Variants in RGPD8 observed in about 807,000 individuals in gnomAD.
RGPD8 encodes the protein RANBP2-like and GRIP domain-containing protein 8.
A neutral mutation model predicts 89.1 loss-of-function variants in RGPD8; 15 were observed. The ratio of observed to expected loss-of-function variants is 0.17; its 90% CI spans 0.11 to 0.26. The LOEUF is 0.26. Among genes scored for constraint, RGPD8 ranks in the 10% least tolerant of loss-of-function variants. RGPD8 has a pLI of 1.00. For synonymous variants in RGPD8, 62 were observed against 420.9 expected (o/e 0.15, Z 10.44); for missense variants, 178 against 1,179.6 (o/e 0.15, Z 12.44).
At chr2:112,392,957 G>GT (rs1678760737) in intron 18 of RGPD8, 1 of 674,410 alleles carries the variant, frequency 1.5e-6, no homozygotes, top group African/African-American at 1.9e-5. Flanking sequence ...TTAGCTTTTA[G>GT]TTTTCTTCAC....
intron 20 of RGPD8, among the ~76,000 whole-genome samples, chr2:112,381,995 TG>T (rs1678320656): frequency 6.6e-6 from 1 of 152,298 alleles, no homozygotes; most frequent in South Asian, 2.1e-4. Context: ...GTCAGTGGGC[TG>T]GGGAAGGCAG....
chr2:112,432,519 G>C (rs1680085872), intron 1 of RGPD8: 2 of 985,370 alleles, frequency 2.0e-6, no homozygotes, highest in African/African-American at 3.5e-5. Context: ...TGTCCACGCT[G>C]AGATGCCTAC....
intron 22 of RGPD8, among the ~76,000 whole-genome samples, chr2:112,370,922 C>G (rs1677947887): frequency 6.6e-6 from 1 of 151,398 alleles, no homozygotes; most frequent in Non-Finnish European, 1.5e-5. Flanking sequence ...TTCTGAAATA[C>G]CATCTTCTCA....
intron 1 of RGPD8, among the ~76,000 whole-genome samples, chr2:112,429,415 CAAAAAAAAAAA>C (rs71412832): frequency 6.6e-5 from 3 of 45,756 alleles, no homozygotes; most frequent in African/African-American, 9.9e-5. Flanking sequence ...GACTCCGTCT[CAAAAAAAAAAA>C]AAAAAAAAAA....
chr2:112,408,581 G>A (rs1288349022), intron 7 of RGPD8, among the ~76,000 whole-genome samples: 2 of 149,112 alleles, frequency 1.3e-5, no homozygotes, highest in African/African-American at 2.5e-5. Context: ...TCATAAACCC[G>A]GCCTCTTTTA....
At position 112,423,902 on chromosome 2, in the gene RGPD8, C is replaced by T. The variant is rs1418060471; in HGVS notation, c.140+338G>A. Among the ~76,000 whole-genome samples, 3 of 152,302 alleles carry T rather than the reference C, an allele frequency of 2.0e-5. No homozygotes were observed. The East Asian group carries it at 5.8e-4, about 29-fold the overall frequency. On this transcript the variant is annotated intron_variant, in intron 2 of 22. Transcript: ENST00000302558. ...TTAGTTTTTTATTCATTGCTATTTT[C>T]CATCTGATTAAGGTATCAGATATCT...
intron 7 of RGPD8, among the ~76,000 whole-genome samples, chr2:112,411,118 G>T (rs1411519048): frequency 1.3e-5 from 2 of 152,286 alleles, no homozygotes; most frequent in Non-Finnish European, 2.9e-5. Flanking sequence ...AGAAGGAGGG[G>T]CCTTCTCTAA....
intron 2 of RGPD8, 66 bp from the exon 3 acceptor site, chr2:112,422,725 G>T: frequency 3.4e-6 from 2 of 581,814 alleles, no homozygotes; most frequent in Admixed American, 6.9e-5. Context: ...GCTAACCGAA[G>T]AATACATCTT....
At chr2:112,385,656 TAAATC>T (rs1187324339) in intron 20 of RGPD8, among the ~76,000 whole-genome samples, 25 of 145,916 alleles carry the variant, frequency 1.7e-4, no homozygotes, top group Non-Finnish European at 9.0e-5. Flanking sequence ...CATAATGAGT[TAAATC>T]AAATCTATCA....
chr2:112,425,527 A>C (rs1016815652), intron 1 of RGPD8, among the ~76,000 whole-genome samples: 31 of 152,086 alleles, frequency 2.0e-4, no homozygotes, highest in Non-Finnish European at 4.0e-4. Flanking sequence ...TCGGAGACTG[A>C]GGCGGGTGGA....
chr2:112,413,782 A>G (rs1679276717), intron 6 of RGPD8, among the ~76,000 whole-genome samples: 1 of 100,530 alleles, frequency 9.9e-6, no homozygotes, highest in Non-Finnish European at 2.0e-5. Context: ...GCTTACTGCA[A>G]CCTCTGACTC....
intron 1 of RGPD8, among the ~76,000 whole-genome samples, chr2:112,430,285 C>T (rs1447052808): frequency 6.6e-6 from 1 of 152,180 alleles, no homozygotes; most frequent in Non-Finnish European, 1.5e-5. Context: ...TTCACAGCCA[C>T]TGCCTCTTCT....
At position 112,433,570 on chromosome 2, in the gene RGPD8, G is replaced by A; in HGVS notation, c.-117C>T. On this transcript the variant is annotated 5_prime_UTR_variant, in exon 1 of 23. Coordinates refer to ENST00000302558, the MANE Select transcript of RGPD8 (RefSeq NM_001164463.1). The stretch of plus-strand genomic sequence containing the variant: ...TGAAGCAGCGGCGTAGCCGGCGGAG[G>A]CCCACTGTGACGAGCGTGCGGCGCC... The A allele has an allele frequency of 1.8e-6, 2 of 1,136,508 alleles. No homozygotes were observed. The highest frequency in any genetic ancestry group is 2.5e-6 in the Non-Finnish European group (2 of 814,914). 70.4% of individuals were successfully genotyped at this position (1,136,508 alleles called of 1,614,324 possible).
At chr2:112,402,447 G>A (rs1196220954) in intron 9 of RGPD8, among the ~76,000 whole-genome samples, 22 of 150,192 alleles carry the variant, frequency 1.5e-4, no homozygotes, top group African/African-American at 2.7e-4. Flanking sequence ...CCGAGATTGC[G>A]CCACTGCGCT....
intron 9 of RGPD8, among the ~76,000 whole-genome samples, chr2:112,402,527 A>AGAAAG: frequency 6.6e-6 from 1 of 152,206 alleles, no homozygotes; most frequent in Non-Finnish European, 1.5e-5. Context: ...AGAAAAGAAA[A>AGAAAG]GAAAAGGTTA....
chr2:112,408,844 G>A (rs867225759), intron 7 of RGPD8, among the ~76,000 whole-genome samples: 2 of 151,942 alleles, frequency 1.3e-5, no homozygotes, highest in African/African-American at 2.4e-5. Flanking sequence ...GCTAATTTTT[G>A]TATTTTTAGT....
intron 1 of RGPD8, among the ~76,000 whole-genome samples, chr2:112,431,732 G>C (rs1680047685): frequency 6.6e-6 from 1 of 151,886 alleles, no homozygotes; most frequent in African/African-American, 2.4e-5. Flanking sequence ...CGCCTCCCGG[G>C]TTCAAGCGAC....
At chr2:112,384,594 CG>C in intron 20 of RGPD8, 1 of 119,124 alleles carries the variant, frequency 8.4e-6, no homozygotes, top group Non-Finnish European at 1.8e-5. Flanking sequence ...GAGGCCGAGG[CG>C]GGTGGATCAC....
chr2:112,430,778 T>A (rs1041690429), intron 1 of RGPD8, among the ~76,000 whole-genome samples: 1 of 151,392 alleles, frequency 6.6e-6, no homozygotes, highest in Non-Finnish European at 1.5e-5. Flanking sequence ...CTGGGTAACA[T>A]GGTAAGACCC....
Sources: gnomAD v4.1 joint callset for allele counts (sites outside exome capture counted in the v4.1 genomes callset) on GRCh38, gnomAD v4.1.1 for gene constraint, MANE v1.5 for transcripts, NCBI Gene and HGNC (gene_info 2026-07-23, HGNC 2026-07-21) for gene names.